B3GALT1: variants seen among roughly 807,000 people sequenced by gnomAD.
B3GALT1 encodes the protein beta-1,3-galactosyltransferase 1.
B3GALT1 carries 10 observed loss-of-function variants against 23.2 expected under a neutral mutation model. That is an observed-to-expected ratio of 0.43 (90% CI 0.27 to 0.73). The LOEUF is 0.73. Ranked by LOEUF, B3GALT1 falls within the 30% of genes least tolerant of loss-of-function variation. The pLI is 0.21. For missense variants in B3GALT1, 299 were observed against 405.4 expected (o/e 0.74, Z 2.25); for synonymous variants, 156 against 141.5 (o/e 1.10, Z -0.73).
chr2:167,817,902 A>G (rs1486166964), intron 3 of B3GALT1, among the ~76,000 whole-genome samples: 4 of 152,210 alleles, frequency 2.6e-5, no homozygotes, highest in African/African-American at 9.6e-5. Context: ...ACAGGTCTGG[A>G]TCAGATTCAG....
At chr2:167,348,663 A>AT (rs1052299768) in intron 1 of B3GALT1, among the ~76,000 whole-genome samples, 30 of 151,592 alleles carry the variant, frequency 2.0e-4, no homozygotes, top group East Asian at 5.8e-4. Flanking sequence ...GGCATCACAG[A>AT]TTTTTTTTTA....
At chr2:167,578,329 A>G (rs370914668) in intron 2 of B3GALT1, among the ~76,000 whole-genome samples, 2 of 152,080 alleles carry the variant, frequency 1.3e-5, no homozygotes, top group East Asian at 3.9e-4. Flanking sequence ...CTATCGAAGG[A>G]CAAACCGAAA....
intron 3 of B3GALT1, among the ~76,000 whole-genome samples, chr2:167,665,045 T>G (rs903695016): frequency 2.6e-5 from 4 of 151,990 alleles, no homozygotes; most frequent in Non-Finnish European, 5.9e-5. Flanking sequence ...TGTGCCAGTT[T>G]TCAAAGGGAA....
At chr2:167,544,477 T>A (rs1436300819) in intron 2 of B3GALT1, among the ~76,000 whole-genome samples, 1 of 152,020 alleles carries the variant, frequency 6.6e-6, no homozygotes, top group Non-Finnish European at 1.5e-5. Context: ...GTATTTTTTT[T>A]ATAGAGATGG....
chr2:167,298,635 A>G (rs1696395060), intron 1 of B3GALT1, among the ~76,000 whole-genome samples: 1 of 152,146 alleles, frequency 6.6e-6, no homozygotes, highest in Non-Finnish European at 1.5e-5. Context: ...TTTATAGAAT[A>G]TAATGGATAG....
chr2:167,597,095 T>C (rs1387707529), intron 2 of B3GALT1, among the ~76,000 whole-genome samples: 3 of 151,166 alleles, frequency 2.0e-5, no homozygotes, highest in African/African-American at 7.3e-5. Flanking sequence ...GTCATGTTTT[T>C]TGGTTTTTGT....
At chr2:167,333,322 A>C (rs1230378090) in intron 1 of B3GALT1, among the ~76,000 whole-genome samples, 1 of 152,194 alleles carries the variant, frequency 6.6e-6, no homozygotes, top group African/African-American at 2.4e-5. Context: ...AAAAGACAAC[A>C]ACTGGTGCCG....
At chr2:167,502,302 A>G (rs559269191) in intron 2 of B3GALT1, among the ~76,000 whole-genome samples, 4 of 152,222 alleles carry the variant, frequency 2.6e-5, no homozygotes, top group Admixed American at 2.6e-4. Flanking sequence ...GAGAAAGATC[A>G]GTGAAAGTAA....
At chr2:167,518,390 A>G (rs562559570) in intron 2 of B3GALT1, among the ~76,000 whole-genome samples, 1 of 152,312 alleles carries the variant, frequency 6.6e-6, no homozygotes, top group Non-Finnish European at 1.5e-5. Flanking sequence ...AGACCCTTTC[A>G]TAAACAGTAT....
chr2:167,771,824 A>T lies in B3GALT1; in HGVS notation c.-351-46848A>T, dbSNP rs143197265. On this transcript the variant is annotated intron_variant, in intron 3 of 4. Coordinates refer to ENST00000392690, the MANE Select transcript of B3GALT1 (RefSeq NM_020981.4). ...GGCCAGGTTGGGATGGGGACGAGGCAGAGGGGAAATCCTGAAGTGCAGCAT... is the reference window on the plus strand; with the variant it reads ...GGCCAGGTTGGGATGGGGACGAGGCTGAGGGGAAATCCTGAAGTGCAGCAT... 1.1e-3 allele frequency among the ~76,000 whole-genome samples: 162 copies of T among 152,308 alleles called. 1 individual carries two copies. The highest frequency in any genetic ancestry group is 3.7e-3 in the African/African-American group (152 of 41,568).
intron 2 of B3GALT1, among the ~76,000 whole-genome samples, chr2:167,635,741 A>G (rs1010399386): frequency 6.6e-6 from 1 of 152,176 alleles, no homozygotes; most frequent in Non-Finnish European, 1.5e-5. Flanking sequence ...GATAGGAAGA[A>G]TCAATATTGT....
intron 3 of B3GALT1, among the ~76,000 whole-genome samples, chr2:167,792,430 G>C (rs1688452834): frequency 6.6e-6 from 1 of 152,308 alleles, no homozygotes; most frequent in South Asian, 2.1e-4. Flanking sequence ...ACAAGTACTG[G>C]TAAAGTTACC....
chr2:167,711,759 A>G (rs533574082), intron 3 of B3GALT1, among the ~76,000 whole-genome samples: 96 of 152,222 alleles, frequency 6.3e-4, no homozygotes, highest in Non-Finnish European at 1.2e-3. Context: ...GATCTCAGGA[A>G]TTTGAGACCA....
intron 3 of B3GALT1, among the ~76,000 whole-genome samples, chr2:167,664,463 A>T (rs1034857773): frequency 6.6e-6 from 1 of 152,012 alleles, no homozygotes; most frequent in African/African-American, 2.4e-5. Context: ...TTGGTTCTAT[A>T]TGAACTTTAA....
chr2:167,369,061 TTG>T (rs60938716), intron 1 of B3GALT1, among the ~76,000 whole-genome samples: 2,792 of 147,474 alleles, frequency 0.019, 45 homozygotes, highest in African/African-American at 0.042. Flanking sequence ...AAACTCTTAT[TTG>T]TGTGTGTGTG....
chr2:167,618,594 T>C (rs1381251026), intron 2 of B3GALT1, among the ~76,000 whole-genome samples: 9 of 152,078 alleles, frequency 5.9e-5, no homozygotes, highest in Non-Finnish European at 1.5e-5. Flanking sequence ...TCATTAATTA[T>C]ACGACTAATG....
rs578176164 is a variant in B3GALT1, at chr2:167,497,161, A to G, written c.-410+6884A>G. ...AAACAAAAAGAGCAATATCTAATAA[A>G]GAGAATTAAGAATGTATAATGTGAA... On this transcript the variant is annotated intron_variant, in intron 2 of 4. Coordinates refer to ENST00000392690, the MANE Select transcript of B3GALT1 (RefSeq NM_020981.4). Among the ~76,000 whole-genome samples, 8 of 152,362 alleles carry G rather than the reference A, an allele frequency of 5.3e-5. No homozygotes were observed. In the South Asian group the frequency reaches 1.7e-3, roughly 32 times the overall value.
intron 1 of B3GALT1, among the ~76,000 whole-genome samples, chr2:167,446,958 C>G (rs542823333): frequency 6.6e-6 from 1 of 152,256 alleles, no homozygotes; most frequent in Admixed American, 6.5e-5. Flanking sequence ...GAATTTTCAG[C>G]TTTTGTGCTC....
At chr2:167,422,183 A>G (rs1415727299) in intron 1 of B3GALT1, among the ~76,000 whole-genome samples, 1 of 151,964 alleles carries the variant, frequency 6.6e-6, no homozygotes, top group African/African-American at 2.4e-5. Flanking sequence ...CGACAGTGAC[A>G]TAAGAGAGCA....
Sources: gnomAD v4.1 joint callset for allele counts (sites outside exome capture counted in the v4.1 genomes callset) on GRCh38, gnomAD v4.1.1 for gene constraint, MANE v1.5 for transcripts, NCBI Gene and HGNC (gene_info 2026-07-23, HGNC 2026-07-21) for gene names.